Variants in GPC5 observed in about 807,000 individuals in gnomAD.
GPC5 encodes glypican-5.
Under a neutral mutation model 53.9 loss-of-function variants are expected in GPC5, and 47 were observed. The observed-to-expected ratio is 0.87, with a 90% CI of 0.69 to 1.11. The LOEUF (loss-of-function observed/expected upper bound fraction) is 1.11. GPC5 is among the 50% of genes most tolerant of loss of function. The pLI is 0.00. For missense variants in GPC5, 748 were observed against 713.1 expected (o/e 1.05, Z -0.56); for synonymous variants, 286 against 263.3 (o/e 1.09, Z -0.84).
chr13:92,375,683 G>A (rs1434623988), intron 7 of GPC5, among the ~76,000 whole-genome samples: 1 of 152,182 alleles, frequency 6.6e-6, no homozygotes, highest in Non-Finnish European at 1.5e-5. Context: ...AGGGCAGGCT[G>A]TCAAAAACGG....
At chr13:92,373,792 T>C (rs2043670491) in intron 7 of GPC5, among the ~76,000 whole-genome samples, 1 of 152,192 alleles carries the variant, frequency 6.6e-6, no homozygotes, top group African/African-American at 2.4e-5. Flanking sequence ...CTAGTTTCAT[T>C]TTACTCTTTC....
chr13:92,450,980 G>T (rs1023663251), intron 7 of GPC5, among the ~76,000 whole-genome samples: 4 of 152,112 alleles, frequency 2.6e-5, no homozygotes, highest in Non-Finnish European at 5.9e-5. Context: ...CTCAGTAAAG[G>T]TTACCTGTTT....
At chr13:91,562,285 T>C (rs1046863183) in intron 2 of GPC5, among the ~76,000 whole-genome samples, 2 of 149,650 alleles carry the variant, frequency 1.3e-5, no homozygotes, top group Admixed American at 6.7e-5. Context: ...TGATGATCTA[T>C]GGATGACTAA....
At chr13:92,656,911 C>A (rs560334789) in intron 7 of GPC5, among the ~76,000 whole-genome samples, 4 of 152,128 alleles carry the variant, frequency 2.6e-5, no homozygotes, top group Non-Finnish European at 5.9e-5. Context: ...AGCAACGCTG[C>A]GATGAGCTAT....
At position 92,575,605 on chromosome 13, in the gene GPC5, C is replaced by G. The variant is rs1883166500; in HGVS notation, c.1562-290677C>G. Among the ~76,000 whole-genome samples the G allele has an allele frequency of 2.0e-5, 3 of 152,104 alleles. No homozygotes were observed. The South Asian group carries it at 6.2e-4, about 32-fold the overall frequency. ...TTTGTTATGGCAGCCCTAGGAAACT[C>G]ATATAAATAGAATCCCATTAACTTC... On this transcript the variant is annotated intron_variant, in intron 7 of 7. Coordinates refer to ENST00000377067, the MANE Select transcript of GPC5 (RefSeq NM_004466.6).
At chr13:92,263,303 G>A (rs1415321831) in intron 7 of GPC5, among the ~76,000 whole-genome samples, 1 of 152,062 alleles carries the variant, frequency 6.6e-6, no homozygotes, top group Non-Finnish European at 1.5e-5. Flanking sequence ...TGGAAACACA[G>A]GCTACTCAGA....
chr13:92,731,320 A>G (rs1398050290), intron 7 of GPC5, among the ~76,000 whole-genome samples: 1 of 151,586 alleles, frequency 6.6e-6, no homozygotes, highest in Non-Finnish European at 1.5e-5. Flanking sequence ...GATTTCTAAA[A>G]TAGAGTTATT....
intron 7 of GPC5, among the ~76,000 whole-genome samples, chr13:92,567,548 G>T (rs146585791): frequency 2.0e-5 from 3 of 152,122 alleles, no homozygotes; most frequent in Admixed American, 6.6e-5. Flanking sequence ...TGGATTAATC[G>T]AATGGGCTTA....
rs117912886 is a variant in GPC5 at position 91,501,089 on chromosome 13, T to C, written c.325+52167T>C. 2.7e-3 allele frequency among the ~76,000 whole-genome samples: 410 copies of C among 152,298 alleles called. 10 individuals are homozygous for C. In the East Asian group the frequency reaches 0.063, roughly 24 times the overall value. Reference sequence around the variant, plus strand: ...TTACCCAGTCTTGGGTATGTCTTTATTGGCAGTGTGAAAACAGGCTAATAC... The same window carrying C: ...TTACCCAGTCTTGGGTATGTCTTTACTGGCAGTGTGAAAACAGGCTAATAC... On this transcript the variant is annotated intron_variant, in intron 2 of 7. Transcript: ENST00000377067.
At chr13:92,279,826 T>G (rs1455544639) in intron 7 of GPC5, among the ~76,000 whole-genome samples, 2 of 152,110 alleles carry the variant, frequency 1.3e-5, no homozygotes, top group East Asian at 3.8e-4. Flanking sequence ...AAGTATTTTG[T>G]TGAGCATTTT....
At chr13:91,950,393 G>A (rs2040016556) in intron 6 of GPC5, among the ~76,000 whole-genome samples, 2 of 126,774 alleles carry the variant, frequency 1.6e-5, no homozygotes, top group Admixed American at 1.8e-4. Flanking sequence ...GCACATTTGT[G>A]TTTTGGTTTC....
At chr13:91,986,061 C>CTTTTTTTTTTTTT (rs779259362) in intron 6 of GPC5, among the ~76,000 whole-genome samples, 5 of 95,438 alleles carry the variant, frequency 5.2e-5, no homozygotes, top group Admixed American at 1.4e-4. Flanking sequence ...TTAGCCAATA[C>CTTTTTTTTTTTTT]TTTTTTTTTT....
chr13:91,960,452 C>T (rs2040116456), intron 6 of GPC5, among the ~76,000 whole-genome samples: 1 of 151,848 alleles, frequency 6.6e-6, no homozygotes, highest in Non-Finnish European at 1.5e-5. Flanking sequence ...ACATCCCTTG[C>T]TTTCCAATCA....
intron 2 of GPC5, among the ~76,000 whole-genome samples, chr13:91,603,045 C>T (rs1331158170): frequency 1.3e-5 from 2 of 152,134 alleles, no homozygotes; most frequent in South Asian, 2.1e-4. Flanking sequence ...AACATTTTGG[C>T]ATGACTGGGG....
intron 7 of GPC5, among the ~76,000 whole-genome samples, chr13:92,633,302 A>G (rs1197123598): frequency 6.6e-6 from 1 of 152,156 alleles, no homozygotes; most frequent in Non-Finnish European, 1.5e-5. Flanking sequence ...GACACACCCA[A>G]ACGGTATAAA....
chr13:92,819,725 C>A (rs1053867461), intron 7 of GPC5, among the ~76,000 whole-genome samples: 2 of 152,036 alleles, frequency 1.3e-5, no homozygotes, highest in Admixed American at 6.6e-5. Flanking sequence ...AGATTTAATA[C>A]AATTCAGAAC....
intron 7 of GPC5, among the ~76,000 whole-genome samples, chr13:92,748,724 T>C (rs1889305047): frequency 6.6e-6 from 1 of 152,182 alleles, no homozygotes; most frequent in South Asian, 2.1e-4. Context: ...TGAAGTACAT[T>C]TTTATTTAAA....
chr13:92,445,778 G>C (rs962434762), intron 7 of GPC5, among the ~76,000 whole-genome samples: 4 of 151,808 alleles, frequency 2.6e-5, no homozygotes, highest in Non-Finnish European at 2.9e-5. Context: ...ATAAACATAC[G>C]TGTGCATGTG....
Position 92,429,426 on chromosome 13 carries a change from A to G in GPC5, c.1561+284437A>G, listed in dbSNP as rs186965303. 6.2e-4 allele frequency among the ~76,000 whole-genome samples: 94 copies of G among 151,906 alleles called. 3 individuals carry two copies. Among genetic ancestry groups the G allele is most frequent in the Admixed American group, 5.5e-3 (84 of 15,262 alleles). Reference sequence around the variant, plus strand: ...ACAAAATATTAACTATACTTAATATACTAATTTAAAAAACTAATTTTTAAA... The same window carrying G: ...ACAAAATATTAACTATACTTAATATGCTAATTTAAAAAACTAATTTTTAAA... On this transcript the variant is annotated intron_variant, in intron 7 of 7. Transcript: ENST00000377067.
Sources: allele counts gnomAD v4.1 joint callset (sites outside exome capture counted in the v4.1 genomes callset), GRCh38; gene constraint gnomAD v4.1.1; transcripts MANE v1.5; gene names NCBI Gene and HGNC (gene_info 2026-07-23, HGNC 2026-07-21).